Variants in DNAH12 observed in about 807,000 individuals in gnomAD.
DNAH12 encodes the protein axonemal beta dynein heavy chain 12.
A neutral mutation model predicts 371.5 loss-of-function variants in DNAH12; 285 were observed. The observed-to-expected ratio is 0.77, with a 90% confidence interval of 0.70 to 0.85. DNAH12 has a LOEUF of 0.85. DNAH12 is among the 40% of genes least tolerant of loss of function. The pLI is 0.00. For missense variants in DNAH12, 3,611 were observed against 3,689.4 expected, an observed-to-expected ratio of 0.98 and a Z score of 0.55; for synonymous variants, 1,200 against 1,213.0, an observed-to-expected ratio of 0.99 and a Z score of 0.22.
At position 57,322,448 on chromosome 3, in the gene DNAH12, C is replaced by A. The variant is rs1162855464; in HGVS notation, c.10419G>T (p.Met3473Ile). 6 of 1,552,174 alleles carry A rather than the reference C, an allele frequency of 3.9e-6. No homozygotes were observed. Among genetic ancestry groups the A allele is most frequent in the Non-Finnish European group, 5.2e-6 (6 of 1,147,086 alleles). Residue 3473 changes from methionine to isoleucine, a missense_variant, in exon 65 of 74, where the codon ATG becomes ATT. Met to Ile is a conservative substitution (Grantham distance 10). Transcript: ENST00000495027. The part of the protein sequence containing the change: ...PVTILQNGVK[M>I]TNEPPTGLRL... ...GAAGACCCGTGGGAGGTTCATTAGT[C>A]ATTTTTACTCCATTCTGTAGAATTG...
chr3:57,326,321 T>C (rs1253788435), intron 62 of DNAH12, among the ~76,000 whole-genome samples: 2 of 152,242 alleles, frequency 1.3e-5, no homozygotes. Context: ...AAGGTCGGGT[T>C]ACCCACAAAG....
intron 25 of DNAH12, among the ~76,000 whole-genome samples, chr3:57,451,681 G>A (rs2065759299): frequency 6.6e-6 from 1 of 152,110 alleles, no homozygotes; most frequent in Non-Finnish European, 1.5e-5. Context: ...ACAGTGGGTA[G>A]CTAGTCAGGT....
At chr3:57,371,341 T>C (rs1430940951) in intron 55 of DNAH12, among the ~76,000 whole-genome samples, 1 of 152,126 alleles carries the variant, frequency 6.6e-6, no homozygotes, top group Non-Finnish European at 1.5e-5. Flanking sequence ...TAACATATAC[T>C]CACAGTATTC....
chr3:57,531,688 A>G lies in DNAH12; in HGVS notation c.171-7804T>C, dbSNP rs1200643856. 2.7e-5 allele frequency among the ~76,000 whole-genome samples: 4 copies of G among 145,766 alleles called. No individual in the cohort carries two copies. The Admixed American group carries it at 2.9e-4, about 10-fold the overall frequency. On this transcript the variant is annotated intron_variant, in intron 2 of 73. Coordinates refer to ENST00000495027, the MANE Select transcript of DNAH12 (RefSeq NM_001366028.2). ...TGGGGCAGAAGAATCCCTTGAACCCAGGAGGCTGAGGTTGCAGTGAGCTGA... is the reference window on the plus strand; with the variant it reads ...TGGGGCAGAAGAATCCCTTGAACCCGGGAGGCTGAGGTTGCAGTGAGCTGA...
At chr3:57,325,941 T>C (rs1364047375) in intron 62 of DNAH12, among the ~76,000 whole-genome samples, 1 of 152,124 alleles carries the variant, frequency 6.6e-6, no homozygotes, top group East Asian at 1.9e-4. Flanking sequence ...CAGGAGCCGA[T>C]GCGATCAGCT....
intron 43 of DNAH12, chr3:57,402,277 C>A: frequency 1.4e-6 from 1 of 710,302 alleles, no homozygotes; most frequent in Non-Finnish European, 2.0e-6. Flanking sequence ...TGTGAAAGGT[C>A]AGTGAAAGTG....
intron 25 of DNAH12, among the ~76,000 whole-genome samples, chr3:57,447,508 A>G (rs557214218): frequency 6.6e-6 from 1 of 152,200 alleles, no homozygotes; most frequent in Non-Finnish European, 1.5e-5. Flanking sequence ...TGAACTCTGC[A>G]GTTTGCTCTT....
At chr3:57,453,719 A>C (rs561133740) in intron 23 of DNAH12, among the ~76,000 whole-genome samples, 4 of 152,150 alleles carry the variant, frequency 2.6e-5, no homozygotes, top group Admixed American at 2.0e-4. Context: ...GACTACAGGC[A>C]TGTGCCAGTA....
intron 42 of DNAH12, among the ~76,000 whole-genome samples, chr3:57,404,209 T>C (rs1233506456): frequency 3.3e-5 from 5 of 152,040 alleles, no homozygotes; most frequent in Non-Finnish European, 7.3e-5. Flanking sequence ...CTAAAATTTG[T>C]CTCAGAAGAA....
chr3:57,304,384 A>G (rs2061426308), intron 69 of DNAH12, among the ~76,000 whole-genome samples: 1 of 152,162 alleles, frequency 6.6e-6, no homozygotes, highest in Admixed American at 6.5e-5. Context: ...GACCAGCCCA[A>G]GGAATATCTC....
intron 29 of DNAH12, among the ~76,000 whole-genome samples, chr3:57,438,844 T>C (rs980396989): frequency 2.8e-5 from 4 of 140,954 alleles, no homozygotes; most frequent in African/African-American, 7.9e-5. Context: ...TCCCAGCTAC[T>C]TGGGAGGCTG....
chr3:57,294,162 A>ATTTCT (rs1369176406), intron 73 of DNAH12, among the ~76,000 whole-genome samples, 191 bp from the exon 74 acceptor site: 1 of 141,144 alleles, frequency 7.1e-6, no homozygotes, highest in African/African-American at 2.6e-5. Context: ...CAAGGCAAGT[A>ATTTCT]TTTCTTTTCT....
chr3:57,435,682 T>TGTG, intron 30 of DNAH12, among the ~76,000 whole-genome samples: 1 of 151,762 alleles, frequency 6.6e-6, no homozygotes, highest in East Asian at 2.0e-4. Flanking sequence ...GGGAACTAGG[T>TGTG]GTGGTGGTGC....
intron 10 of DNAH12, among the ~76,000 whole-genome samples, chr3:57,502,051 C>A (rs1575694814): frequency 6.6e-6 from 1 of 152,090 alleles, no homozygotes. Flanking sequence ...GGACTACAGG[C>A]GCCCGCCACG....
At chr3:57,540,935 G>GA (rs1043660128) in intron 2 of DNAH12, among the ~76,000 whole-genome samples, 41 of 126,976 alleles carry the variant, frequency 3.2e-4, no homozygotes, top group African/African-American at 4.6e-4. Context: ...GTCTCAAAAA[G>GA]AAAAAAAAAA....
rs1175964243 is a variant in DNAH12, at chr3:57,448,117, T to C, written c.3787-1428A>G. 1.1e-4 allele frequency among the ~76,000 whole-genome samples: 16 copies of C among 152,346 alleles called. No individual in the cohort carries two copies. In the East Asian group the frequency reaches 3.1e-3, roughly 29 times the overall value. ...ATTGTGAATAATAAATATACTAGTG[T>C]GTCTGGAATTGGTGGGTGCTTGGTC... On this transcript the variant is annotated intron_variant, in intron 25 of 73. Coordinates refer to ENST00000495027, the MANE Select transcript of DNAH12 (RefSeq NM_001366028.2).
At chr3:57,484,823 G>T (rs1385671391) in intron 12 of DNAH12, among the ~76,000 whole-genome samples, 1 of 151,976 alleles carries the variant, frequency 6.6e-6, no homozygotes, top group African/African-American at 2.4e-5. Flanking sequence ...AATCTACAAT[G>T]AACTCAATCA....
Position 57,470,629 on chromosome 3 carries a change from G to C in DNAH12, c.1919C>G (p.Thr640Arg). The change falls in exon 16 of 74, where the codon ACA (threonine) becomes AGA (arginine). Residue 640 changes from threonine to arginine, a missense_variant. Thr to Arg is a moderately conservative substitution (Grantham distance 71). Coordinates refer to ENST00000495027, the MANE Select transcript of DNAH12 (RefSeq NM_001366028.2). ...ACGTTTTTGTAGTTGTCTTACATCTGTCACATACTGAAAGTAAATAAGTTT... is the reference window on the plus strand; with the variant it reads ...ACGTTTTTGTAGTTGTCTTACATCTCTCACATACTGAAAGTAAATAAGTTT... ...AELERMQQYV[T>R]DVRQLQKRIQ... 6.6e-7 allele frequency: 1 copy of C among 1,523,000 alleles called. No individual in the cohort carries two copies. Among genetic ancestry groups the C allele is most frequent in the African/African-American group, 1.4e-5 (1 of 70,970 alleles). The allele number at this position is 1,523,000 out of a possible 1,614,324, so 94.3% of individuals were successfully genotyped here.
chr3:57,419,255 A>G, intron 37 of DNAH12, 112 bp downstream of exon 37: 4 of 1,084,644 alleles, frequency 3.7e-6, no homozygotes, highest in Non-Finnish European at 5.0e-6. Flanking sequence ...CAAGTCCCCC[A>G]GGATTTCAGT....
Sources: gnomAD v4.1 joint callset for allele counts (sites outside exome capture counted in the v4.1 genomes callset) on GRCh38, gnomAD v4.1.1 for gene constraint, MANE v1.5 for transcripts, NCBI Gene and HGNC (gene_info 2026-07-23, HGNC 2026-07-21) for gene names.